The following BDP1 variants were observed in gnomAD, a reference collection of about 807,000 sequenced individuals.
BDP1 encodes the protein transcription factor TFIIIB component B'' homolog.
In BDP1, 169 loss-of-function variants were observed where a neutral mutation model predicts 266.6. The observed-to-expected ratio is 0.63, with a 90% CI of 0.56 to 0.72. The LOEUF is 0.72. Ranked by LOEUF, BDP1 falls within the 30% of genes least tolerant of loss-of-function variation. The pLI is 0.00. For missense variants in BDP1, 3,015 were observed against 3,053.8 expected (o/e 0.99, Z 0.30); for synonymous variants, 1,090 against 1,022.4 (o/e 1.07, Z -1.26).
chr5:71,568,377 T>C (rs1209491272), downstream of BDP1, among the ~76,000 whole-genome samples: 1 of 152,206 alleles, frequency 6.6e-6, no homozygotes, highest in East Asian at 1.9e-4. Context: ...TTCCCAAATA[T>C]ATTTTATCTC....
intron 7 of BDP1, among the ~76,000 whole-genome samples, chr5:71,475,299 TAA>T (rs1762516650): frequency 1.3e-5 from 2 of 152,176 alleles, no homozygotes; most frequent in South Asian, 2.1e-4. Context: ...TTGTAGAGAC[TAA>T]GTCTCACTGT....
Position 71,509,678 on chromosome 5 carries a change from A to C in BDP1, c.2586A>C (p.Pro862=). 6.2e-7 allele frequency: 1 copy of C among 1,613,410 alleles called. No individual in the cohort carries two copies. The change falls in exon 17 of 39, where the codon CCA becomes CCC. Residue 862 remains proline, a synonymous_variant. Coordinates refer to ENST00000358731, the MANE Select transcript of BDP1 (RefSeq NM_018429.3). ...ACACCTCACCAAAGGAGATGGTACC[A>C]GCAGAGATTAATACTAAAGAAATGC... ...RLDTSPKEMV[P]AEINTKEMQS...
chr5:71,472,321 C>T (rs187526455), intron 7 of BDP1, among the ~76,000 whole-genome samples: 3 of 152,218 alleles, frequency 2.0e-5, no homozygotes, highest in East Asian at 1.9e-4. Flanking sequence ...ATTAGCCGGA[C>T]GTGGTGGCGC....
chr5:71,537,953 A>G (rs551620894), intron 26 of BDP1: 1 of 152,494 alleles, frequency 6.6e-6, no homozygotes, highest in South Asian at 2.1e-4. Context: ...CTGTCTTATC[A>G]TTAAGTATGA....
downstream of BDP1, among the ~76,000 whole-genome samples, chr5:71,567,992 A>G (rs1744127806): frequency 6.6e-6 from 1 of 152,084 alleles, no homozygotes; most frequent in Non-Finnish European, 1.5e-5. Flanking sequence ...AAAATTAAAA[A>G]TCAGCCAACT....
chr5:71,541,556 T>C lies in BDP1; in HGVS notation c.6125T>C (p.Leu2042Pro). The change falls in exon 29 of 39, where the codon CTT (leucine) becomes CCT (proline). Residue 2042 changes from leucine (L) to proline (P), a missense_variant. By Grantham distance (98) the Leu-to-Pro change is moderately conservative. Coordinates refer to ENST00000358731, the MANE Select transcript of BDP1 (RefSeq NM_018429.3). ...NHKIVHECQE[L>P]SSPVITTSPA... ...AAAATTGTTCATGAATGTCAGGAAC[T>C]TTCTTCACCTGTCATTACTACATCT... 1 of 1,611,912 alleles carries C rather than the reference T, an allele frequency of 6.2e-7. No individual in the cohort carries two copies. The highest frequency in any genetic ancestry group is 8.5e-7 in the Non-Finnish European group (1 of 1,178,320).
chr5:71,511,045 C>T lies in BDP1; in HGVS notation c.3953C>T (p.Pro1318Leu). The change falls in exon 17 of 39, where the codon CCA becomes CTA. Residue 1318 changes from proline (P) to leucine (L), a missense_variant. Physicochemically the swap from Pro to Leu is moderately conservative, Grantham distance 98. Around this residue, in one of 3 missense-constraint regions of BDP1, gnomAD observed 2,383 missense variants for 2,404.9 expected, o/e 0.99. Coordinates refer to ENST00000358731, the MANE Select transcript of BDP1 (RefSeq NM_018429.3). Reference sequence around the variant, plus strand: ...CAAACTGGAAAAACAGACATTTCTCCAAGGGAAAACGAGCTAGAGGAGACC... The same window carrying T: ...CAAACTGGAAAAACAGACATTTCTCTAAGGGAAAACGAGCTAGAGGAGACC... ...LKQTGKTDISPRENELEETST... is the reference protein window; with the variant it reads ...LKQTGKTDISLRENELEETST... 6.2e-7 allele frequency: 1 copy of T among 1,614,104 alleles called. No homozygotes were observed. The highest frequency in any genetic ancestry group is 2.2e-5 in the East Asian group (1 of 44,878).
In BDP1 at chr5:71,497,422, A is replaced by G. The variant is rs1763963997; in HGVS notation, c.1952A>G (p.Glu651Gly). 5 of 1,612,030 alleles carry G rather than the reference A, an allele frequency of 3.1e-6. No individual in the cohort carries two copies. Among genetic ancestry groups the G allele is most frequent in the Non-Finnish European group, 4.2e-6 (5 of 1,178,958 alleles). The change falls in exon 13 of 39, where the codon GAA becomes GGA. Residue 651 changes from glutamate to glycine, a missense_variant. Glu to Gly is a moderately conservative substitution (Grantham distance 98). Coordinates refer to ENST00000358731, the MANE Select transcript of BDP1 (RefSeq NM_018429.3). ...SKNSHSKTSV[E>G]KNHVEKDKMN... ...AATTCACATTCAAAAACTTCAGTTG[A>G]AAAGGTATGGGGTAAGAGATTTCAT...
intron 3 of BDP1, among the ~76,000 whole-genome samples, chr5:71,462,896 G>A (rs1186977760): frequency 6.6e-6 from 1 of 151,966 alleles, no homozygotes; most frequent in Non-Finnish European, 1.5e-5. Context: ...ATTTTAGGAG[G>A]CCAAGGCGAG....
chr5:71,566,751 G>A lies in BDP1; in HGVS notation c.*1866G>A, dbSNP rs1744058209. ...ACCCTGAGGTGCTGATATCTGTATG[G>A]ATGAGTTATTTGTCACTAAAGTTAT... On this transcript the variant is annotated 3_prime_UTR_variant, in exon 39 of 39. Coordinates refer to ENST00000358731, the MANE Select transcript of BDP1 (RefSeq NM_018429.3). The A allele has an allele frequency of 6.6e-6, 1 of 152,176 alleles. No individual in the cohort carries two copies. Among genetic ancestry groups the A allele is most frequent in the African/African-American group, 2.4e-5 (1 of 41,436 alleles). The allele number at this position is 152,176 out of a possible 1,614,324, so 9.4% of individuals were successfully genotyped here. A position where few individuals can be genotyped will look rare whatever the true frequency, so the allele number is the denominator to read the frequency against.
At chr5:71,483,400 G>C (rs1419542570) in intron 7 of BDP1, among the ~76,000 whole-genome samples, 2 of 152,144 alleles carry the variant, frequency 1.3e-5, no homozygotes, top group African/African-American at 4.8e-5. Context: ...AGTTTGTCAG[G>C]ATAAACTTGG....
chr5:71,549,375 T>C, intron 33 of BDP1, 45 bp from the exon 34 acceptor site: 1 of 1,433,526 alleles, frequency 7.0e-7, no homozygotes, highest in East Asian at 2.3e-5. Flanking sequence ...TACTCTGTTA[T>C]TTCATAGTTG....
At chr5:71,527,594 T>C (rs1197865153) in intron 25 of BDP1, among the ~76,000 whole-genome samples, 2 of 152,188 alleles carry the variant, frequency 1.3e-5, no homozygotes, top group Non-Finnish European at 2.9e-5. Flanking sequence ...TATGTCAGAG[T>C]GTTCTTCATT....
At chr5:71,479,578 G>A (rs970158954) in intron 7 of BDP1, among the ~76,000 whole-genome samples, 2 of 150,464 alleles carry the variant, frequency 1.3e-5, no homozygotes, top group Non-Finnish European at 3.0e-5. Flanking sequence ...GCGGAGTCTC[G>A]CTCTTTTGCC....
Position 71,542,238 on chromosome 5 carries a change from A to G in BDP1, c.6385A>G (p.Lys2129Glu), listed in dbSNP as rs374628160. Reference protein sequence around the residue: ...YQEVSSLCVTKGAEMETQRET... With the variant: ...YQEVSSLCVTEGAEMETQRET... ...GGAAGTTTCCAGTTTGTGTGTAACC[A>G]AAGGGGCAGAAATGGAAACTCAAAG... Residue 2129 changes from lysine to glutamate, a missense_variant, in exon 30 of 39, where the codon AAA becomes GAA. Lys to Glu is a moderately conservative substitution (Grantham distance 56). Transcript: ENST00000358731. 11 of 1,610,894 alleles carry G rather than the reference A, an allele frequency of 6.8e-6. No homozygotes were observed. Among genetic ancestry groups the G allele is most frequent in the Admixed American group, 1.7e-5 (1 of 59,224 alleles).
intron 22 of BDP1, among the ~76,000 whole-genome samples, chr5:71,520,684 T>C (rs1174889198): frequency 6.6e-6 from 1 of 152,174 alleles, no homozygotes; most frequent in Non-Finnish European, 1.5e-5. Flanking sequence ...TGCCAGGCAT[T>C]GTTCTAAGTG....
intron 26 of BDP1, among the ~76,000 whole-genome samples, chr5:71,536,034 A>C (rs1423028259): frequency 2.0e-5 from 3 of 152,124 alleles, no homozygotes; most frequent in African/African-American, 7.2e-5. Context: ...AATGCCTTTT[A>C]TTTCTTTTTC....
chr5:71,518,382 G>C (rs1178724746), intron 22 of BDP1, among the ~76,000 whole-genome samples: 1 of 152,148 alleles, frequency 6.6e-6, no homozygotes, highest in Non-Finnish European at 1.5e-5. Context: ...CTCTAGTTAG[G>C]TGAAGCTAGA....
In BDP1 at chr5:71,526,748, T is replaced by TGGG. The variant is rs1765914147; in HGVS notation, c.5772+2426_5772+2428dup. ...TGTCACCCAGTCTGGAGTGCAGTGG[T>TGGG]GGGATCTTGGCTCATTGCAACCTCC... On this transcript the variant is annotated intron_variant, in intron 25 of 38. Coordinates refer to ENST00000358731, the MANE Select transcript of BDP1 (RefSeq NM_018429.3). 2.1e-5 allele frequency among the ~76,000 whole-genome samples: 3 copies of TGGG among 145,842 alleles called. No homozygotes were observed. The Admixed American group carries it at 2.1e-4, about 10-fold the overall frequency.
Sources: allele counts gnomAD v4.1 joint callset (sites outside exome capture counted in the v4.1 genomes callset), GRCh38; gene constraint gnomAD v4.1.1; regional missense constraint gnomAD v4.1.1; transcripts MANE v1.5; gene names NCBI Gene and HGNC (gene_info 2026-07-23, HGNC 2026-07-21).